Variants in STK3 observed in about 807,000 individuals in gnomAD.
The protein encoded by STK3 is serine/threonine kinase 3.
A neutral mutation model predicts 58.0 loss-of-function variants in STK3; 41 were observed. That is an observed-to-expected ratio of 0.71 (90% CI 0.55 to 0.92). The LOEUF (loss-of-function observed/expected upper bound fraction) is 0.92, where lower values mean the gene tolerates loss of function less well. Ranked by LOEUF, STK3 falls within the 40% of genes least tolerant of loss-of-function variation. The pLI is 0.00. For synonymous variants in STK3, 170 were observed against 191.0 expected (o/e 0.89, Z 0.91); for missense variants, 479 against 602.7 (o/e 0.79, Z 2.15).
At chr8:98,666,909 G>T (rs1335153818) in intron 6 of STK3, among the ~76,000 whole-genome samples, 1 of 152,058 alleles carries the variant, frequency 6.6e-6, no homozygotes, top group African/African-American at 2.4e-5. Context: ...TCTCTCACAG[G>T]AGTCTCAACA....
chr8:98,717,176 G>A (rs777485910), intron 4 of STK3, among the ~76,000 whole-genome samples: 2 of 150,794 alleles, frequency 1.3e-5, no homozygotes, highest in Non-Finnish European at 3.0e-5. Context: ...AGACAAATTG[G>A]ACTTCATGAA....
In STK3 at chr8:98,441,612, A is replaced by G. The variant is rs529755935; in HGVS notation, n.186-4404T>C. Reference sequence around the variant, plus strand: ...AAGTCTGTTTTCAAGTCAGATGGAAACTCAGTAGTTACTGACTACATTTAT... The same window carrying G: ...AAGTCTGTTTTCAAGTCAGATGGAAGCTCAGTAGTTACTGACTACATTTAT... On this transcript the variant is annotated intron_variant and non_coding_transcript_variant, in intron 1 of 3. Coordinates refer to the STK3 transcript ENST00000517832. Among the ~76,000 whole-genome samples, 4 of 152,352 alleles carry G rather than the reference A, an allele frequency of 2.6e-5. No individual in the cohort carries two copies. The South Asian group carries it at 8.3e-4, about 32-fold the overall frequency.
intron 1 of STK3, among the ~76,000 whole-genome samples, chr8:98,791,387 C>T (rs1472065519): frequency 6.6e-6 from 1 of 152,104 alleles, no homozygotes. Flanking sequence ...TGATAATGAC[C>T]ATACTGCCAA....
intron 6 of STK3, among the ~76,000 whole-genome samples, chr8:98,660,182 T>G (rs1821856232): frequency 6.6e-6 from 1 of 152,062 alleles, no homozygotes; most frequent in African/African-American, 2.4e-5. Flanking sequence ...AAAAATACTC[T>G]ATGATTACAC....
chr8:98,400,545 C>T (rs150191181), downstream of STK3, among the ~76,000 whole-genome samples: 1,791 of 152,344 alleles, frequency 0.012, 20 homozygotes, highest in South Asian at 0.041. Context: ...TTCTGACCCT[C>T]GGGCCCTCTT....
intron 3 of STK3, among the ~76,000 whole-genome samples, chr8:98,859,236 C>T (rs951917918): frequency 1.6e-4 from 25 of 152,062 alleles, no homozygotes; most frequent in African/African-American, 5.8e-4. Flanking sequence ...TGTGGTATTT[C>T]CTGAGGAAGC....
At position 98,788,004 on chromosome 8, in the gene STK3, C is replaced by T. The variant is rs187511261; in HGVS notation, c.27-13185G>A. ...CCTTTAAAGCATAAATCTCACAGGACCTACAAAACAAAAATACAATTTAAA... is the reference window on the plus strand; with the variant it reads ...CCTTTAAAGCATAAATCTCACAGGATCTACAAAACAAAAATACAATTTAAA... On this transcript the variant is annotated intron_variant, in intron 1 of 10. Coordinates refer to ENST00000419617, the MANE Select transcript of STK3 (RefSeq NM_006281.4). Among the ~76,000 whole-genome samples the T allele has an allele frequency of 3.5e-3, 528 of 152,152 alleles. 4 individuals carry two copies. Among genetic ancestry groups the T allele is most frequent in the African/African-American group, 0.012 (503 of 41,514 alleles).
At chr8:98,754,516 CT>C (rs934104260) in intron 3 of STK3, among the ~76,000 whole-genome samples, 7 of 150,384 alleles carry the variant, frequency 4.7e-5, no homozygotes, top group Admixed American at 2.0e-4. Context: ...CTCTCTCTCT[CT>C]TTTTTTTTCT....
At position 98,407,199 on chromosome 8, in the gene STK3, T is replaced by C. The variant is rs1218709466; in HGVS notation, n.484-5686A>G. On this transcript the variant is annotated intron_variant and non_coding_transcript_variant, in intron 3 of 3. Coordinates refer to the STK3 transcript ENST00000517832. ...AATTAAGCATAGAATTTCCCTTCTGTAAAAAAAGGAAGTTGGACCAGGTGA... is the reference window on the plus strand; with the variant it reads ...AATTAAGCATAGAATTTCCCTTCTGCAAAAAAAGGAAGTTGGACCAGGTGA... 2.0e-5 allele frequency among the ~76,000 whole-genome samples: 3 copies of C among 152,072 alleles called. No individual in the cohort carries two copies. The East Asian group carries it at 5.8e-4, about 29-fold the overall frequency.
chr8:98,680,617 C>G (rs1823561671), intron 6 of STK3, among the ~76,000 whole-genome samples: 1 of 152,178 alleles, frequency 6.6e-6, no homozygotes, highest in African/African-American at 2.4e-5. Context: ...TCTTTCCCTA[C>G]AGAAGACAAA....
intron 10 of STK3, among the ~76,000 whole-genome samples, chr8:98,467,902 ACTT>A (rs1820609524): frequency 6.6e-6 from 1 of 152,200 alleles, no homozygotes; most frequent in Non-Finnish European, 1.5e-5. Flanking sequence ...ACATCACAAT[ACTT>A]AGTCTAACAA....
chr8:98,447,820 A>C (rs1438991391), intron 1 of STK3, among the ~76,000 whole-genome samples: 5 of 148,978 alleles, frequency 3.4e-5, no homozygotes, highest in Non-Finnish European at 7.4e-5. Flanking sequence ...GAACTGAGCA[A>C]GGCACCAGGA....
chr8:98,885,969 G>T (rs934175844), intron 1 of STK3, among the ~76,000 whole-genome samples: 5 of 152,130 alleles, frequency 3.3e-5, no homozygotes, highest in African/African-American at 1.2e-4. Flanking sequence ...AATACATATT[G>T]TATGATTCCA....
chr8:98,374,688 T>C (rs1563586808), intron 2 of STK3, among the ~76,000 whole-genome samples: 1 of 152,178 alleles, frequency 6.6e-6, no homozygotes, highest in African/African-American at 2.4e-5. Context: ...AACTAAACCT[T>C]CTCCTAGAAT....
chr8:98,707,369 G>A lies in STK3; in HGVS notation c.352-58C>T, dbSNP rs888344060. The A allele has an allele frequency of 2.2e-4, 284 of 1,274,198 alleles. 1 individual carries two copies. The highest frequency in any genetic ancestry group is 2.7e-4 in the Middle Eastern group (1 of 3,728). 78.9% of individuals were successfully genotyped at this position (1,274,198 alleles called of 1,614,324 possible). A position where few individuals can be genotyped will look rare whatever the true frequency, so the allele number is the denominator to read the frequency against. On this transcript the variant is annotated intron_variant, in intron 4 of 10. Transcript: ENST00000419617. The stretch of plus-strand genomic sequence containing the variant: ...AATGCCACGTTAGATAAAATCTTAC[G>A]AAAGAGCACTAGTAACAAGTATGTC...
chr8:98,701,036 G>A (rs553445071), intron 6 of STK3, among the ~76,000 whole-genome samples: 2 of 152,192 alleles, frequency 1.3e-5, no homozygotes, highest in East Asian at 3.9e-4. Context: ...GGGTGTAGTG[G>A]TGTGCACCTG....
intron 10 of STK3, among the ~76,000 whole-genome samples, chr8:98,479,606 A>G (rs1189476584): frequency 6.6e-6 from 1 of 152,140 alleles, no homozygotes; most frequent in East Asian, 1.9e-4. Flanking sequence ...GACAAAACAC[A>G]AAAACCAACT....
intron 10 of STK3, among the ~76,000 whole-genome samples, chr8:98,523,846 C>T (rs1230890495): frequency 6.6e-6 from 1 of 152,186 alleles, no homozygotes; most frequent in East Asian, 1.9e-4. Flanking sequence ...TTGTGATGCA[C>T]ACAAGTTTTC....
At chr8:98,616,725 A>T (rs1322942658) in intron 6 of STK3, among the ~76,000 whole-genome samples, 1 of 151,814 alleles carries the variant, frequency 6.6e-6, no homozygotes, top group East Asian at 1.9e-4. Context: ...AGGCCATTAC[A>T]TAATGGTAAA....
Sources: gnomAD v4.1 joint callset for allele counts (sites outside exome capture counted in the v4.1 genomes callset) on GRCh38, gnomAD v4.1.1 for gene constraint, MANE v1.5 for transcripts, NCBI Gene and HGNC (gene_info 2026-07-23, HGNC 2026-07-21) for gene names.